MAGI2: variants seen among roughly 807,000 people sequenced by gnomAD.
MAGI2 encodes membrane associated guanylate kinase, WW and PDZ domain containing 2, also known as membrane-associated guanylate kinase, WW and PDZ domain-containing protein 2.
A neutral mutation model predicts 133.3 loss-of-function variants in MAGI2; 35 were observed. The observed-to-expected ratio is 0.26, with a 90% CI of 0.20 to 0.35. The LOEUF (loss-of-function observed/expected upper bound fraction) is 0.35, where lower values mean the gene tolerates loss of function less well. Among genes scored for constraint, MAGI2 ranks in the 10% least tolerant of loss-of-function variants. The pLI, the probability that MAGI2 is intolerant of heterozygous loss-of-function variation, is 1.00. For missense variants in MAGI2, 1,636 were observed against 1,863.4 expected, an observed-to-expected ratio of 0.88 and a Z score of 2.25; for synonymous variants, 729 against 710.6, an observed-to-expected ratio of 1.03 and a Z score of -0.41.
chr7:78,597,661 C>T (rs994022713), intron 3 of MAGI2, among the ~76,000 whole-genome samples: 2 of 152,172 alleles, frequency 1.3e-5, no homozygotes, highest in Non-Finnish European at 2.9e-5. Flanking sequence ...ATCCTTCCTG[C>T]TTTTACCTAA....
chr7:78,919,784 G>A (rs1402116106), intron 2 of MAGI2, among the ~76,000 whole-genome samples: 2 of 152,002 alleles, frequency 1.3e-5, no homozygotes, highest in African/African-American at 2.4e-5. Flanking sequence ...GCAAATGTAT[G>A]CTTTTAAAAT....
At chr7:79,326,271 G>A (rs944506405) in intron 1 of MAGI2, among the ~76,000 whole-genome samples, 4 of 151,938 alleles carry the variant, frequency 2.6e-5, no homozygotes, top group African/African-American at 9.7e-5. Flanking sequence ...ACGCTTGCAT[G>A]GTCAGTTCTA....
intron 3 of MAGI2, among the ~76,000 whole-genome samples, chr7:78,592,172 G>A (rs911373051): frequency 5.3e-5 from 8 of 152,116 alleles, no homozygotes; most frequent in Admixed American, 1.3e-4. Context: ...AGCACTTTCC[G>A]GTGCTAAAAG....
chr7:78,986,506 A>G (rs563996925), intron 2 of MAGI2, among the ~76,000 whole-genome samples: 50 of 151,774 alleles, frequency 3.3e-4, no homozygotes, highest in Admixed American at 2.2e-3. Context: ...TTTCCAATCT[A>G]GTAGCTTAGA....
At chr7:79,076,372 G>T (rs948773145) in intron 1 of MAGI2, among the ~76,000 whole-genome samples, 1 of 152,156 alleles carries the variant, frequency 6.6e-6, no homozygotes, top group Non-Finnish European at 1.5e-5. Flanking sequence ...AATATTTTAA[G>T]GCTATTTTCA....
chr7:78,945,689 C>T (rs557370905), intron 2 of MAGI2, among the ~76,000 whole-genome samples: 2 of 152,144 alleles, frequency 1.3e-5, no homozygotes, highest in East Asian at 3.9e-4. Flanking sequence ...TATGAAATTT[C>T]CCATCCTTAA....
At chr7:78,049,791 G>C (rs1372585074) in intron 21 of MAGI2, among the ~76,000 whole-genome samples, 1 of 152,098 alleles carries the variant, frequency 6.6e-6, no homozygotes, top group East Asian at 1.9e-4. Flanking sequence ...CAAAACCATC[G>C]ATGCAATGAT....
intron 2 of MAGI2, among the ~76,000 whole-genome samples, chr7:78,656,158 G>A (rs1812253677): frequency 6.6e-6 from 1 of 152,098 alleles, no homozygotes; most frequent in African/African-American, 2.4e-5. Flanking sequence ...GTACCTGACA[G>A]ACTTGGGATT....
chr7:79,216,939 T>TA (rs1830074763), intron 1 of MAGI2, among the ~76,000 whole-genome samples: 1 of 152,070 alleles, frequency 6.6e-6, no homozygotes, highest in Admixed American at 6.5e-5. Context: ...TTCTAATTCT[T>TA]ATGTACAATA....
At chr7:78,388,304 T>C (rs1231085302) in intron 6 of MAGI2, among the ~76,000 whole-genome samples, 1 of 151,944 alleles carries the variant, frequency 6.6e-6, no homozygotes, top group Non-Finnish European at 1.5e-5. Context: ...ATCGTCATCA[T>C]CATCATCATC....
chr7:78,771,309 T>A (rs1825571271), intron 2 of MAGI2: 1 of 152,192 alleles, frequency 6.6e-6, no homozygotes, highest in Admixed American at 6.5e-5. Context: ...TCTACGCGCC[T>A]GTCTCTCACT....
intron 1 of MAGI2, among the ~76,000 whole-genome samples, chr7:79,255,488 TA>T (rs1585340559): frequency 6.6e-6 from 1 of 152,164 alleles, no homozygotes; most frequent in South Asian, 2.1e-4. Context: ...AACAGTTATG[TA>T]AAAAGAATAT....
intron 3 of MAGI2, among the ~76,000 whole-genome samples, chr7:78,563,782 G>A: frequency 6.6e-6 from 1 of 152,240 alleles, no homozygotes; most frequent in Non-Finnish European, 1.5e-5. Flanking sequence ...CAGGTTCAGA[G>A]TTACTGGAAA....
chr7:79,294,415 T>C (rs370071540), intron 1 of MAGI2, among the ~76,000 whole-genome samples: 11 of 151,258 alleles, frequency 7.3e-5, no homozygotes, highest in African/African-American at 2.7e-4. Context: ...ATCTCACCGA[T>C]TGAACCTTAG....
intron 3 of MAGI2, among the ~76,000 whole-genome samples, chr7:78,527,292 A>G (rs1456473868): frequency 2.0e-5 from 3 of 152,154 alleles, no homozygotes; most frequent in Non-Finnish European, 4.4e-5. Context: ...AGCTTTCTAA[A>G]TAACTTTTCA....
chr7:79,188,521 T>C (rs1385265420), intron 1 of MAGI2, among the ~76,000 whole-genome samples: 1 of 151,876 alleles, frequency 6.6e-6, no homozygotes, highest in Non-Finnish European at 1.5e-5. Context: ...TTATCCAGTC[T>C]ATCATTGATG....
At chr7:79,393,565 T>A (rs57524293) in intron 1 of MAGI2, among the ~76,000 whole-genome samples, 2 of 152,130 alleles carry the variant, frequency 1.3e-5, no homozygotes, top group African/African-American at 4.8e-5. Flanking sequence ...ATTCTCATTC[T>A]CAGTTGCGTA....
intron 1 of MAGI2, among the ~76,000 whole-genome samples, chr7:79,211,570 A>G (rs1320125109): frequency 2.6e-5 from 4 of 151,932 alleles, no homozygotes; most frequent in Admixed American, 2.6e-4. Flanking sequence ...CTGAGATCAC[A>G]GGAGTCAGCC....
chr7:78,851,670 A>T (rs1584146532), intron 2 of MAGI2, among the ~76,000 whole-genome samples: 1 of 152,312 alleles, frequency 6.6e-6, no homozygotes, highest in East Asian at 1.9e-4. Context: ...TAAAAATCAT[A>T]TCACACTGTA....
Sources: gnomAD v4.1 joint callset for allele counts (sites outside exome capture counted in the v4.1 genomes callset) on GRCh38, gnomAD v4.1.1 for gene constraint, MANE v1.5 for transcripts, NCBI Gene and HGNC (gene_info 2026-07-23, HGNC 2026-07-21) for gene names.